The following PRH1 variants were observed in gnomAD, a reference collection of about 807,000 sequenced individuals.
PRH1 encodes salivary acidic proline-rich phosphoprotein 1/2.
In PRH1, 7 loss-of-function variants were observed where a neutral mutation model predicts 7.9. The ratio of observed to expected loss-of-function variants is 0.89; its 90% CI spans 0.50 to 1.67. The LOEUF is 1.67. Among genes scored for constraint, PRH1 ranks in the 40% most tolerant of loss-of-function variants. The pLI, the probability that PRH1 is intolerant of heterozygous loss-of-function variation, is 0.00. For synonymous variants in PRH1, 45 were observed against 80.8 expected (o/e 0.56, Z 2.38); for missense variants, 109 against 223.6 (o/e 0.49, Z 3.27).
At chr12:10,935,589 C>A (rs1950275368) in intron 2 of PRH1, among the ~76,000 whole-genome samples, 1 of 152,096 alleles carries the variant, frequency 6.6e-6, no homozygotes, top group South Asian at 2.1e-4. Context: ...CAGTAATACC[C>A]ACTCCCCTAG....
At chr12:11,019,147 T>C (rs1182713365) in intron 1 of PRH1, among the ~76,000 whole-genome samples, 4 of 152,254 alleles carry the variant, frequency 2.6e-5, no homozygotes, top group Non-Finnish European at 4.4e-5. Flanking sequence ...CAAAGGGAAA[T>C]AGAAGACAGA....
chr12:10,988,865 G>A (rs978749068), intron 1 of PRH1, among the ~76,000 whole-genome samples: 1 of 152,006 alleles, frequency 6.6e-6, no homozygotes, highest in African/African-American at 2.4e-5. Context: ...GGAGTGCAGT[G>A]GCGCGATCTC....
At chr12:11,047,029 A>G in exon 1 of PRH1, 1 of 509,684 alleles carries the variant, frequency 2.0e-6, no homozygotes, top group Middle Eastern at 3.2e-4. Flanking sequence ...CCTCATATGG[A>G]TAGATGGAGT....
intron 1 of PRH1, among the ~76,000 whole-genome samples, chr12:10,978,154 T>A (rs1244412886): frequency 6.7e-6 from 1 of 149,024 alleles, no homozygotes; most frequent in East Asian, 1.9e-4. Context: ...GCACATTACC[T>A]AACTTTGAAC....
chr12:10,940,089 C>T (rs1950373429), intron 2 of PRH1, among the ~76,000 whole-genome samples: 1 of 152,098 alleles, frequency 6.6e-6, no homozygotes, highest in Non-Finnish European at 1.5e-5. Context: ...TTATCCAAAG[C>T]TCCTCCTACA....
chr12:11,030,719 A>AAT (rs1327059221), intron 1 of PRH1: 1 of 1,614,102 alleles, frequency 6.2e-7, no homozygotes, highest in Non-Finnish European at 8.5e-7. Flanking sequence ...CATCTTCTTG[A>AAT]GATGTTTACA....
chr12:11,005,485 C>T (rs1316863902), intron 1 of PRH1, among the ~76,000 whole-genome samples: 1 of 151,998 alleles, frequency 6.6e-6, no homozygotes, highest in African/African-American at 2.4e-5. Context: ...TTTTAAATGT[C>T]AGATTTATGT....
intron 2 of PRH1, chr12:10,930,178 G>A (rs746804063): frequency 7.0e-6 from 10 of 1,421,672 alleles, no homozygotes; most frequent in Non-Finnish European, 9.9e-6. Context: ...TGCACAGGGT[G>A]TGATCAGAGG....
At position 10,882,694 on chromosome 12, in the gene PRH1, T is replaced by A; in HGVS notation, c.105A>T (p.Gly35=). 6.3e-7 allele frequency: 1 copy of A among 1,578,868 alleles called. No homozygotes were observed. The highest frequency in any genetic ancestry group is 8.6e-7 in the Non-Finnish European group (1 of 1,164,846). The change falls in exon 3 of 4, where the codon GGA becomes GGT. Residue 35 remains glycine (G), a synonymous_variant. Coordinates refer to ENST00000543626, the MANE Select transcript of PRH1 (RefSeq NM_001393989.1). The part of the protein sequence containing the change: ...QEDVPLVISD[G]GDSEQFLDEE... ...CATCTAGGAACTGCTCAGAGTCTCC[T>A]CCATCTGTGTGAGTTGAAACAAGAA...
chr12:10,883,318 G>A (rs1344470373), intron 1 of PRH1, among the ~76,000 whole-genome samples: 1 of 151,846 alleles, frequency 6.6e-6, no homozygotes, highest in Non-Finnish European at 1.5e-5. Flanking sequence ...AAGGGCCCCT[G>A]TTTGTCCTCT....
At chr12:10,935,486 C>A (rs965562670) in intron 2 of PRH1, among the ~76,000 whole-genome samples, 1 of 152,152 alleles carries the variant, frequency 6.6e-6, no homozygotes, top group East Asian at 1.9e-4. Flanking sequence ...CACACAGCAG[C>A]CTCTTTGTTA....
intron 1 of PRH1, among the ~76,000 whole-genome samples, chr12:11,001,097 G>A (rs1357237686): frequency 6.6e-6 from 1 of 151,556 alleles, no homozygotes; most frequent in African/African-American, 2.4e-5. Flanking sequence ...TAAAAGCTTG[G>A]TCTACACATC....
intron 1 of PRH1, among the ~76,000 whole-genome samples, chr12:11,029,075 TC>T (rs1413776791): frequency 6.6e-6 from 1 of 152,288 alleles, no homozygotes; most frequent in African/African-American, 2.4e-5. Context: ...AGACATTATC[TC>T]TTTTTTTACA....
chr12:10,938,431 T>G, intron 2 of PRH1: 1 of 1,614,020 alleles, frequency 6.2e-7, no homozygotes, highest in Non-Finnish European at 8.5e-7. Context: ...TAATTAGATT[T>G]TCCTCCAACC....
At chr12:11,132,445 C>G (rs1026229397) in intron 1 of PRH1, among the ~76,000 whole-genome samples, 1 of 142,074 alleles carries the variant, frequency 7.0e-6, no homozygotes, top group Admixed American at 7.0e-5. Flanking sequence ...CTTAGAAGTG[C>G]TTTAGAAAAA....
rs904350894 is a variant in PRH1 at position 10,889,787 on chromosome 12, T to C, written c.-58-5512A>G. Among the ~76,000 whole-genome samples the C allele has an allele frequency of 4.6e-5, 7 of 152,210 alleles. No homozygotes were observed. In the South Asian group the frequency reaches 8.3e-4, roughly 18 times the overall value. On this transcript the variant is annotated intron_variant, in intron 2 of 3. Coordinates refer to the PRH1 transcript ENST00000539853. ...TGTCTTTCCTCCATCATTTTCTTTA[T>C]GCTATTTATCATGCCCAATAAAGGT... is the stretch of plus-strand genomic sequence containing the variant.
At chr12:11,112,695 T>C (rs988902817) in intron 1 of PRH1, among the ~76,000 whole-genome samples, 5 of 152,140 alleles carry the variant, frequency 3.3e-5, no homozygotes, top group African/African-American at 9.7e-5. Flanking sequence ...ACAGCCAATA[T>C]ACTGAATGGG....
chr12:10,943,824 G>A (rs774731326), intron 2 of PRH1, among the ~76,000 whole-genome samples: 7 of 152,072 alleles, frequency 4.6e-5, no homozygotes, highest in Admixed American at 1.3e-4. Flanking sequence ...TATTAAATAC[G>A]AAGTCTTGTT....
intron 1 of PRH1, among the ~76,000 whole-genome samples, chr12:11,129,826 T>A (rs1233718653): frequency 6.6e-6 from 1 of 152,304 alleles, no homozygotes; most frequent in East Asian, 1.9e-4. Flanking sequence ...TAATTTACAT[T>A]TTTTAAAACA....
Sources: gnomAD v4.1 joint callset for allele counts (sites outside exome capture counted in the v4.1 genomes callset) on GRCh38, gnomAD v4.1.1 for gene constraint, MANE v1.5 for transcripts, NCBI Gene and HGNC (gene_info 2026-07-23, HGNC 2026-07-21) for gene names.